The following ADGRV1 variants were observed in gnomAD, a reference collection of about 807,000 sequenced individuals.
The protein encoded by ADGRV1 is G-protein coupled receptor 98.
In ADGRV1, 359 loss-of-function variants were observed where a neutral mutation model predicts 596.2. The observed-to-expected ratio is 0.60, with a 90% CI of 0.55 to 0.66. ADGRV1 has a LOEUF of 0.66. Among genes scored for constraint, ADGRV1 ranks in the 30% least tolerant of loss-of-function variants. ADGRV1 has a pLI of 0.00. For synonymous variants in ADGRV1, 2,681 were observed against 2,679.2 expected (o/e 1.00, Z -0.02); for missense variants, 7,274 against 7,575.6 (o/e 0.96, Z 1.48).
At chr5:90,839,131 C>T (rs1430802611) in intron 77 of ADGRV1, among the ~76,000 whole-genome samples, 3 of 152,148 alleles carry the variant, frequency 2.0e-5, no homozygotes, top group Non-Finnish European at 4.4e-5. Flanking sequence ...CCTCTAGGGT[C>T]TTCCTGCCAC....
At chr5:91,003,757 G>T (rs1782034141) in intron 85 of ADGRV1, among the ~76,000 whole-genome samples, 1 of 151,918 alleles carries the variant, frequency 6.6e-6, no homozygotes, top group East Asian at 1.9e-4. Context: ...AAGTTCAAAT[G>T]GAATGGTTGG....
chr5:90,834,227 A>G (rs1764766604), intron 77 of ADGRV1, among the ~76,000 whole-genome samples: 1 of 152,180 alleles, frequency 6.6e-6, no homozygotes. Flanking sequence ...TGTCCTTGCT[A>G]TTAACCATGA....
chr5:90,978,243 C>T (rs182042116), intron 84 of ADGRV1, among the ~76,000 whole-genome samples: 6 of 151,906 alleles, frequency 3.9e-5, no homozygotes, highest in African/African-American at 1.2e-4. Context: ...TGCAGTGAGC[C>T]GAGATCGCGC....
chr5:90,840,278 G>A (rs1765318883), intron 77 of ADGRV1, among the ~76,000 whole-genome samples: 1 of 152,064 alleles, frequency 6.6e-6, no homozygotes, highest in Non-Finnish European at 1.5e-5. Context: ...TTTGAAGCAC[G>A]ATTTTCAATC....
chr5:90,769,109 A>G (rs981846700), intron 59 of ADGRV1, among the ~76,000 whole-genome samples: 4 of 152,116 alleles, frequency 2.6e-5, no homozygotes. Flanking sequence ...ACAATTTGCA[A>G]AGGAGCCTGT....
intron 1 of ADGRV1, among the ~76,000 whole-genome samples, chr5:90,586,872 T>C (rs1758822812): frequency 6.6e-6 from 1 of 152,242 alleles, no homozygotes; most frequent in African/African-American, 2.4e-5. Flanking sequence ...TAGGTGCTTT[T>C]CTAACTCTGT....
intron 85 of ADGRV1, among the ~76,000 whole-genome samples, chr5:90,996,348 G>A (rs529082183): frequency 2.1e-4 from 32 of 152,148 alleles, no homozygotes; most frequent in Non-Finnish European, 3.5e-4. Context: ...AAAAAGGGCC[G>A]CAGATATGTC....
chr5:90,789,697 T>G lies in ADGRV1; in HGVS notation c.13894-5T>G, dbSNP rs1463838674. ...ATTATTTTCTCTGTTGTTTATATTT[T>G]TTAGATACAAGAGTTTGGTGACCCA... On this transcript the variant is annotated splice_polypyrimidine_tract_variant and splice_region_variant and intron_variant, in intron 68 of 89. Coordinates refer to ENST00000405460, the MANE Select transcript of ADGRV1 (RefSeq NM_032119.4). 14 of 1,521,170 alleles carry G rather than the reference T, an allele frequency of 9.2e-6. No homozygotes were observed. The highest frequency in any genetic ancestry group is 1.2e-5 in the Non-Finnish European group (14 of 1,120,694). 94.2% of individuals were successfully genotyped at this position (1,521,170 alleles called of 1,614,324 possible).
chr5:90,697,036 G>A lies in ADGRV1; in HGVS notation c.8045G>A (p.Ser2682Asn). ...AGTTTGGTGTACACTGAAGGTGGAA[G>A]TAGAATTTTGCCAAGCTCCGACACT... ...IVSLVYTEGG[S>N]RILPSSDTVR... Residue 2682 changes from serine to asparagine, a missense_variant, in exon 34 of 90, where the codon AGT (serine) becomes AAT (asparagine). Coordinates refer to ENST00000405460, the MANE Select transcript of ADGRV1 (RefSeq NM_032119.4). The A allele has an allele frequency of 3.7e-6, 6 of 1,613,432 alleles. No individual in the cohort carries two copies. Among genetic ancestry groups the A allele is most frequent in the South Asian group, 1.1e-5 (1 of 91,066 alleles).
chr5:91,087,463 AT>A (rs556983309), intron 86 of ADGRV1, among the ~76,000 whole-genome samples: 1,914 of 143,358 alleles, frequency 0.013, 21 homozygotes, highest in African/African-American at 0.033. Flanking sequence ...TGCCCGGCTA[AT>A]TTTTTTTTTT....
At chr5:91,014,457 CTCT>C (rs1783012926) in intron 85 of ADGRV1, among the ~76,000 whole-genome samples, 1 of 151,910 alleles carries the variant, frequency 6.6e-6, no homozygotes, top group Non-Finnish European at 1.5e-5. Context: ...ATAGTACCAG[CTCT>C]TCTTTGTACA....
intron 1 of ADGRV1, 28 bp downstream of exon 1, chr5:90,558,945 C>G (rs1171771847): frequency 6.5e-6 from 10 of 1,548,012 alleles, no homozygotes; most frequent in Non-Finnish European, 8.7e-6. Context: ...GGTGGTGCTG[C>G]GAGCATCGCT....
intron 59 of ADGRV1, among the ~76,000 whole-genome samples, chr5:90,769,934 G>C (rs764707286): frequency 2.6e-5 from 4 of 152,140 alleles, no homozygotes; most frequent in Non-Finnish European, 5.9e-5. Context: ...AGATGAAAGA[G>C]CTGATAACAG....
At position 90,831,442 on chromosome 5, in the gene ADGRV1, A is replaced by T. The variant is rs950906131; in HGVS notation, c.16611+2256A>T. Among the ~76,000 whole-genome samples the T allele has an allele frequency of 2.6e-5, 4 of 152,074 alleles. No individual in the cohort carries two copies. In the East Asian group the frequency reaches 7.7e-4, roughly 29 times the overall value. ...TATTTTTTAATTTTTGTAGGTACAT[A>T]GTAGATGTATATATTAATGGGATAC... On this transcript the variant is annotated intron_variant, in intron 77 of 89. Transcript: ENST00000405460.
intron 86 of ADGRV1, among the ~76,000 whole-genome samples, chr5:91,084,419 G>T (rs970153443): frequency 3.9e-5 from 6 of 152,200 alleles, no homozygotes; most frequent in African/African-American, 1.4e-4. Flanking sequence ...GTGGGCAAAG[G>T]ATATGAACAG....
chr5:90,989,099 A>G (rs370619609), intron 85 of ADGRV1, among the ~76,000 whole-genome samples: 1 of 152,052 alleles, frequency 6.6e-6, no homozygotes, highest in African/African-American at 2.4e-5. Context: ...CACAGTAAAC[A>G]TACGTGTGCA....
chr5:91,002,286 G>T (rs765384595), intron 85 of ADGRV1, among the ~76,000 whole-genome samples: 13 of 152,018 alleles, frequency 8.6e-5, no homozygotes, highest in African/African-American at 3.1e-4. Flanking sequence ...TCAAAGTATT[G>T]TGAGTACTTT....
At chr5:90,595,081 C>G (rs1274405270) in intron 1 of ADGRV1, among the ~76,000 whole-genome samples, 3 of 139,524 alleles carry the variant, frequency 2.2e-5, no homozygotes, top group African/African-American at 8.7e-5. Context: ...GCGCCCCTCA[C>G]CTCCCGGACG....
intron 83 of ADGRV1, among the ~76,000 whole-genome samples, chr5:90,902,137 T>G (rs7738012): frequency 0.98 from 149,727 of 152,222 alleles, 73,684 homozygotes; most frequent in East Asian, 1. Context: ...TCAAGGAAGA[T>G]CCCTGGGTTG....
Sources: allele counts gnomAD v4.1 joint callset (sites outside exome capture counted in the v4.1 genomes callset), GRCh38; gene constraint gnomAD v4.1.1; transcripts MANE v1.5; gene names NCBI Gene and HGNC (gene_info 2026-07-23, HGNC 2026-07-21).